SELP: variants seen among roughly 807,000 people sequenced by gnomAD.
SELP encodes the protein P-selectin.
SELP carries 92 observed loss-of-function variants against 104.1 expected under a neutral mutation model. The observed-to-expected ratio is 0.88, with a 90% CI of 0.75 to 1.05. SELP has a LOEUF of 1.05. Ranked by LOEUF, SELP falls within the 50% of genes least tolerant of loss-of-function variation. The pLI, the probability that SELP is intolerant of heterozygous loss-of-function variation, is 0.00. For synonymous variants in SELP, 397 were observed against 364.5 expected, an observed-to-expected ratio of 1.09 and a Z score of -1.01; for missense variants, 1,022 against 1,017.3, an observed-to-expected ratio of 1.00 and a Z score of -0.06.
At chr1:169,612,826 A>C in intron 5 of SELP, 103 bp downstream of exon 5, 1 of 956,052 alleles carries the variant, frequency 1.0e-6, no homozygotes, top group Non-Finnish European at 1.5e-6. Flanking sequence ...TCTAACCTAG[A>C]TGGTCATTAT....
rs182380413 is a variant in SELP at position 169,621,753 on chromosome 1, C to T, written c.4-2534G>A. Among the ~76,000 whole-genome samples the T allele has an allele frequency of 4.3e-4, 65 of 152,230 alleles. 1 individual carries two copies. The highest frequency in any genetic ancestry group is 2.2e-4 in the Non-Finnish European group (15 of 68,010). Reference sequence around the variant, plus strand: ...TTATAAGCTGCTGATCTCTGCAGGACCTATGATTAAACACTGAGAGTATCA... The same window carrying T: ...TTATAAGCTGCTGATCTCTGCAGGATCTATGATTAAACACTGAGAGTATCA... On this transcript the variant is annotated intron_variant, in intron 1 of 16. Coordinates refer to ENST00000263686, the MANE Select transcript of SELP (RefSeq NM_003005.4).
chr1:169,602,951 A>T, intron 10 of SELP, 75 bp downstream of exon 10: 3 of 1,323,460 alleles, frequency 2.3e-6, no homozygotes, highest in Non-Finnish European at 3.1e-6. Context: ...GAACACTTTT[A>T]TATAAATCCC....
Position 169,596,136 on chromosome 1 carries a change from TGTTGTGA to T in SELP, c.1892-9_1892-3del, listed in dbSNP as rs1661598983. On this transcript the variant is annotated splice_region_variant and splice_polypyrimidine_tract_variant and intron_variant, in intron 11 of 16. Transcript: ENST00000263686. ...CTGGAGTAGGAAGTGATGCTATGCCTGTTGTGAGAAAATGTTTCCATTCAGAGACCTC... is the reference window on the plus strand; with the variant it reads ...CTGGAGTAGGAAGTGATGCTATGCCTGAAAATGTTTCCATTCAGAGACCTC... The T allele has an allele frequency of 6.2e-7, 1 of 1,612,984 alleles. No homozygotes were observed. Among genetic ancestry groups the T allele is most frequent in the Non-Finnish European group, 8.5e-7 (1 of 1,179,370 alleles).
chr1:169,630,035 C>T (rs767806528), intron 1 of SELP, 37 bp downstream of exon 1: 7 of 1,614,004 alleles, frequency 4.3e-6, no homozygotes, highest in African/African-American at 4.0e-5. Context: ...CTCCAACTCA[C>T]TTCAACCACT....
Position 169,613,019 on chromosome 1 carries a change from G to A in SELP, c.685C>T (p.His229Tyr). ...NFSFNSQCSF[H>Y]CTDGYQVNGP... ...TTTACTTGGTACCCGTCAGTGCAGT[G>A]GAAGCTGCACTGCGAGTTAAAAGAG... Residue 229 changes from histidine to tyrosine, a missense_variant, in exon 5 of 17, where the codon CAC becomes TAC. His to Tyr is a moderately conservative substitution (Grantham distance 83). Transcript: ENST00000263686. 1.2e-6 allele frequency: 2 copies of A among 1,613,514 alleles called. No individual in the cohort carries two copies. Among genetic ancestry groups the A allele is most frequent in the Non-Finnish European group, 1.7e-6 (2 of 1,179,496 alleles).
intron 9 of SELP, among the ~76,000 whole-genome samples, chr1:169,605,444 A>G (rs1000640809): frequency 6.8e-6 from 1 of 146,684 alleles, no homozygotes; most frequent in East Asian, 2.4e-4. Flanking sequence ...TCATTCATTC[A>G]TTCATTTACT....
At chr1:169,629,923 A>G in intron 1 of SELP, 149 bp downstream of exon 1, 1 of 1,015,910 alleles carries the variant, frequency 9.8e-7, no homozygotes, top group Non-Finnish European at 1.5e-6. Context: ...AGCAAGTTTA[A>G]AAGTACTCAC....
intron 15 of SELP, among the ~76,000 whole-genome samples, chr1:169,591,190 C>T (rs1047514511): frequency 2.0e-5 from 3 of 152,134 alleles, no homozygotes; most frequent in African/African-American, 4.8e-5. Context: ...ACTGGCACAG[C>T]GCCTAAGTTT....
At chr1:169,609,185 C>T (rs1662357655) in intron 8 of SELP, among the ~76,000 whole-genome samples, 1 of 152,142 alleles carries the variant, frequency 6.6e-6, no homozygotes, top group Admixed American at 6.5e-5. Flanking sequence ...GAGCTAAACA[C>T]CTTGTCCATT....
intron 15 of SELP, 135 bp downstream of exon 15, chr1:169,591,291 G>T: frequency 1.9e-6 from 1 of 534,758 alleles, no homozygotes; most frequent in Non-Finnish European, 3.4e-6. Context: ...TTTTACTTCA[G>T]AGTAGAAAAG....
At chr1:169,590,617 C>T (rs1378842123) in intron 15 of SELP, among the ~76,000 whole-genome samples, 1 of 152,084 alleles carries the variant, frequency 6.6e-6, no homozygotes, top group African/African-American at 2.4e-5. Flanking sequence ...GGGTATGGGG[C>T]AAGGGTGCTG....
chr1:169,613,728 T>C (rs1216657368), intron 3 of SELP, 35 bp from the exon 4 acceptor site: 1 of 1,561,574 alleles, frequency 6.4e-7, no homozygotes, highest in Non-Finnish European at 8.8e-7. Flanking sequence ...GTCATGGACA[T>C]TCACAGATGT....
Position 169,617,159 on chromosome 1 carries a change from C to G in SELP, c.350G>C (p.Trp117Ser), listed in dbSNP as rs1557968850. The G allele has an allele frequency of 6.2e-7, 1 of 1,614,126 alleles. No homozygotes were observed. Among genetic ancestry groups the G allele is most frequent in the East Asian group, 2.2e-5 (1 of 44,882 alleles). ...KKALTNEAEN[W>S]ADNEPNNKRN... ...TTTGTTGTTAGGTTCATTATCAGCC[C>G]AGTTCTCAGCCTCGTTGGTGAGAGC... Residue 117 changes from tryptophan to serine, a missense_variant, in exon 3 of 17, where the codon TGG becomes TCG. Coordinates refer to ENST00000263686, the MANE Select transcript of SELP (RefSeq NM_003005.4).
At chr1:169,601,064 T>C (rs1661886584) in intron 10 of SELP, among the ~76,000 whole-genome samples, 1 of 152,238 alleles carries the variant, frequency 6.6e-6, no homozygotes, top group African/African-American at 2.4e-5. Context: ...CTACATGATT[T>C]AAAATGTGAA....
chr1:169,590,032 T>G (rs1388141279), intron 16 of SELP, 115 bp downstream of exon 16: 1 of 708,234 alleles, frequency 1.4e-6, no homozygotes. Context: ...GCCTGAAAAT[T>G]TAATACATAC....
At chr1:169,596,560 AAAC>A (rs1661622363) in intron 11 of SELP, among the ~76,000 whole-genome samples, 1 of 152,232 alleles carries the variant, frequency 6.6e-6, no homozygotes, top group African/African-American at 2.4e-5. Context: ...TTTCTGTCTC[AAAC>A]TATTTCTTCC....
rs765265998 is a variant in SELP, at chr1:169,607,178, T to C, written c.1334-44A>G. 3 of 1,452,242 alleles carry C rather than the reference T, an allele frequency of 2.1e-6. No individual in the cohort carries two copies. In the East Asian group the frequency reaches 7.3e-5, roughly 35 times the overall value. The allele number at this position is 1,452,242 out of a possible 1,614,324, so 90.0% of individuals were successfully genotyped here. On this transcript the variant is annotated intron_variant, in intron 8 of 16. Coordinates refer to ENST00000263686, the MANE Select transcript of SELP (RefSeq NM_003005.4). The stretch of plus-strand genomic sequence containing the variant: ...AGGAATAAAGAAACAGTAATACACA[T>C]GTACTCATTGATTTTTGACCATTAA...
intron 15 of SELP, among the ~76,000 whole-genome samples, chr1:169,590,410 A>G (rs1557941288): frequency 6.6e-6 from 1 of 152,224 alleles, no homozygotes. Context: ...ACCCACACTA[A>G]GTTATTGTTC....
rs111890462 is a variant in SELP, at chr1:169,609,682, C to T, written c.1155G>A (p.Ser385=). Residue 385 remains serine (S), a synonymous_variant, in exon 8 of 17, where the codon TCG becomes TCA. Coordinates refer to ENST00000263686, the MANE Select transcript of SELP (RefSeq NM_003005.4). The part of the protein sequence containing the change: ...SAPLPTCEAI[S]CEPLESPVHG... ...GGACAGGACTCTCCAGCGGCTCACA[C>T]GAAATAGCTAAGTGGAAAAGGTATC... is the stretch of plus-strand genomic sequence containing the variant. 123 of 1,609,740 alleles carry T rather than the reference C, an allele frequency of 7.6e-5. No homozygotes were observed. Among genetic ancestry groups the T allele is most frequent in the South Asian group, 3.4e-4 (31 of 90,614 alleles).
Sources: allele counts gnomAD v4.1 joint callset (sites outside exome capture counted in the v4.1 genomes callset), GRCh38; gene constraint gnomAD v4.1.1; transcripts MANE v1.5; gene names NCBI Gene and HGNC (gene_info 2026-07-23, HGNC 2026-07-21).